DGKI: variants seen among roughly 807,000 people sequenced by gnomAD.
DGKI encodes DAG kinase iota.
DGKI carries 55 observed loss-of-function variants against 147.5 expected under a neutral mutation model. The observed-to-expected ratio is 0.37, with a 90% CI of 0.30 to 0.47. The LOEUF (loss-of-function observed/expected upper bound fraction) is 0.47, where lower values mean the gene tolerates loss of function less well. Among genes scored for constraint, DGKI ranks in the 20% least tolerant of loss-of-function variants. The probability of loss-of-function intolerance (pLI) is 1.00; values close to 1 mark genes in which losing one functional copy is unlikely to be tolerated. For synonymous variants in DGKI, 469 were observed against 477.1 expected, an observed-to-expected ratio of 0.98 and a Z score of 0.22; for missense variants, 1,007 against 1,323.8, an observed-to-expected ratio of 0.76 and a Z score of 3.71.
intron 28 of DGKI, among the ~76,000 whole-genome samples, chr7:137,422,997 T>A (rs1423526555): frequency 6.6e-6 from 1 of 152,196 alleles, no homozygotes; most frequent in African/African-American, 2.4e-5. Flanking sequence ...AATATGTGTG[T>A]TGGAAACTGA....
intron 7 of DGKI, among the ~76,000 whole-genome samples, 153 bp downstream of exon 7, chr7:137,623,330 C>T (rs767815169): frequency 2.6e-5 from 4 of 152,214 alleles, no homozygotes; most frequent in Non-Finnish European, 4.4e-5. Context: ...TCTATAGTTT[C>T]AGTCTGTCTT....
rs1811105454 is a variant in DGKI, at chr7:137,383,420, T to C, written c.*7800A>G. ...TATATTTGCAATGATGGAAGCTTTT[T>C]TAAAAAATGCCTTCATTGCTATCTA... On this transcript the variant is annotated 3_prime_UTR_variant, in exon 33 of 33. Transcript: ENST00000614521. 6.6e-6 allele frequency: 1 copy of C among 151,798 alleles called. No individual in the cohort carries two copies. Among genetic ancestry groups the C allele is most frequent in the Non-Finnish European group, 1.5e-5 (1 of 67,866 alleles). 9.4% of individuals were successfully genotyped at this position (151,798 alleles called of 1,614,324 possible). A position where few individuals can be genotyped will look rare whatever the true frequency, so the allele number is the denominator to read the frequency against.
Position 137,672,122 on chromosome 7 carries a change from C to G in DGKI, c.606+6435G>C, listed in dbSNP as rs139499084. Among the ~76,000 whole-genome samples the G allele has an allele frequency of 9.4e-4, 143 of 152,354 alleles. No homozygotes were observed. In the East Asian group the frequency reaches 0.021, roughly 23 times the overall value. ...CAACCTGCCTGTCTGCTCACTTACA[C>G]CTCAACCACATACCACTCAACCTAA... On this transcript the variant is annotated intron_variant, in intron 3 of 32. Transcript: ENST00000614521.
chr7:137,432,838 G>A lies in DGKI; in HGVS notation c.2761+11239C>T, dbSNP rs767210191. Among the ~76,000 whole-genome samples the A allele has an allele frequency of 2.0e-5, 3 of 152,248 alleles. No individual in the cohort carries two copies. In the South Asian group the frequency reaches 6.2e-4, roughly 32 times the overall value. On this transcript the variant is annotated intron_variant, in intron 28 of 32. Transcript: ENST00000614521. ...GTCCTTCCTTCCCAATATTTCCCTG[G>A]TAAGGCCAAAGGGATGTAGTTTTAG...
intron 21 of DGKI, among the ~76,000 whole-genome samples, chr7:137,495,388 T>C (rs112601549): frequency 6.8e-4 from 98 of 144,136 alleles, no homozygotes; most frequent in African/African-American, 1.8e-3. Context: ...GTATGATTCC[T>C]ACTGAAACTA....
intron 28 of DGKI, among the ~76,000 whole-genome samples, chr7:137,439,414 C>T (rs1052410241): frequency 5.9e-5 from 9 of 152,048 alleles, no homozygotes; most frequent in African/African-American, 1.9e-4. Flanking sequence ...TGGCGGAAGA[C>T]GAAGGAAGAA....
At chr7:137,453,562 T>C (rs759330575) in intron 27 of DGKI, among the ~76,000 whole-genome samples, 3 of 152,152 alleles carry the variant, frequency 2.0e-5, no homozygotes, top group Non-Finnish European at 4.4e-5. Flanking sequence ...GAGTGAGAGA[T>C]GAAAGTTACA....
chr7:137,738,933 T>C (rs142155087), intron 1 of DGKI, among the ~76,000 whole-genome samples: 1 of 152,292 alleles, frequency 6.6e-6, no homozygotes, highest in East Asian at 1.9e-4. Flanking sequence ...TCAGGTCTCG[T>C]TGATTTGTGC....
At chr7:137,472,048 T>C (rs1276105236) in intron 23 of DGKI, among the ~76,000 whole-genome samples, 3 of 117,166 alleles carry the variant, frequency 2.6e-5, no homozygotes, top group African/African-American at 1.2e-4. Context: ...TATATATGTA[T>C]ATATGTTATA....
At chr7:137,633,398 A>G (rs1224106733) in intron 6 of DGKI, among the ~76,000 whole-genome samples, 1 of 152,208 alleles carries the variant, frequency 6.6e-6, no homozygotes, top group African/African-American at 2.4e-5. Context: ...AGGAAGCCCA[A>G]GTGAAAGCTT....
intron 21 of DGKI, among the ~76,000 whole-genome samples, chr7:137,517,074 T>C (rs551226366): frequency 8.6e-5 from 13 of 151,772 alleles, no homozygotes; most frequent in African/African-American, 2.4e-4. Context: ...CTCTACAGTA[T>C]TCTTTCTAAA....
intron 32 of DGKI, among the ~76,000 whole-genome samples, chr7:137,395,300 C>T (rs1647181): frequency 0.72 from 108,758 of 152,092 alleles, 39,652 homozygotes; most frequent in African/African-American, 0.88. Context: ...CCTTGGGCTT[C>T]GGACCTCAAC....
intron 3 of DGKI, among the ~76,000 whole-genome samples, chr7:137,659,911 C>A (rs952994986): frequency 5.3e-5 from 8 of 152,126 alleles, no homozygotes; most frequent in Non-Finnish European, 1.0e-4. Context: ...CCAGCCTGGG[C>A]GACAGAGCGA....
rs570943136 is a variant in DGKI at position 137,740,124 on chromosome 7, G to T, written c.402-50122C>A. On this transcript the variant is annotated intron_variant, in intron 1 of 32. Transcript: ENST00000614521. ...ACTTAAATCCTTACATCAGGATTTG[G>T]AAATTCAGGATTCTGACAAATTGAA... Among the ~76,000 whole-genome samples the T allele has an allele frequency of 2.0e-5, 3 of 152,270 alleles. No individual in the cohort carries two copies. In the South Asian group the frequency reaches 6.2e-4, roughly 32 times the overall value.
chr7:137,741,352 T>C (rs1795168251), intron 1 of DGKI, among the ~76,000 whole-genome samples: 2 of 152,224 alleles, frequency 1.3e-5, no homozygotes, highest in Non-Finnish European at 2.9e-5. Flanking sequence ...TTTACAATAC[T>C]TGGAGAAAAT....
intron 11 of DGKI, 52 bp from the exon 12 acceptor site, chr7:137,597,959 A>G (rs1326672265): frequency 3.2e-6 from 5 of 1,548,278 alleles, no homozygotes; most frequent in Non-Finnish European, 4.4e-6. Flanking sequence ...CACTGGCTAG[A>G]GCAGAGAGAA....
chr7:137,576,022 A>T, intron 17 of DGKI, among the ~76,000 whole-genome samples: 1 of 148,980 alleles, frequency 6.7e-6, no homozygotes, highest in Non-Finnish European at 1.5e-5. Flanking sequence ...CTCTCTTGTC[A>T]AAATTAATCT....
intron 1 of DGKI, among the ~76,000 whole-genome samples, chr7:137,810,617 T>A (rs2116997788): frequency 6.6e-6 from 1 of 152,302 alleles, no homozygotes; most frequent in South Asian, 2.1e-4. Context: ...ATCTCACTTG[T>A]TAAAATAACA....
At chr7:137,497,621 A>T (rs976801488) in intron 21 of DGKI, among the ~76,000 whole-genome samples, 1 of 152,102 alleles carries the variant, frequency 6.6e-6, no homozygotes, top group Non-Finnish European at 1.5e-5. Flanking sequence ...TTAAAAAAAA[A>T]TGCGATCATG....
Sources: gnomAD v4.1 joint callset for allele counts (sites outside exome capture counted in the v4.1 genomes callset) on GRCh38, gnomAD v4.1.1 for gene constraint, MANE v1.5 for transcripts, NCBI Gene and HGNC (gene_info 2026-07-23, HGNC 2026-07-21) for gene names.